TMEM143: variants seen among roughly 807,000 people sequenced by gnomAD.
TMEM143 encodes the protein transmembrane protein 143.
TMEM143 carries 45 observed loss-of-function variants against 40.3 expected under a neutral mutation model. The observed-to-expected ratio is 1.12, with a 90% confidence interval of 0.88 to 1.43. The LOEUF is 1.43. Ranked by LOEUF, TMEM143 falls within the 40% of genes most tolerant of loss-of-function variation. The pLI is 0.00. For synonymous variants in TMEM143, 299 were observed against 282.7 expected, an observed-to-expected ratio of 1.06 and a Z score of -0.58; for missense variants, 620 against 613.4, an observed-to-expected ratio of 1.01 and a Z score of -0.11.
chr19:48,350,765 T>C (rs980499769), intron 3 of TMEM143, among the ~76,000 whole-genome samples: 5 of 150,882 alleles, frequency 3.3e-5, no homozygotes, highest in Admixed American at 2.6e-4. Flanking sequence ...CTACTGAAAA[T>C]ACAAAAATTA....
At position 48,332,986 on chromosome 19, in the gene TMEM143, A is replaced by G; in HGVS notation, c.*233T>C. ...AGGGTGGGACTAAGAAATGGAACAG[A>G]AGCAGAGCTAAATCGCTTTGATTGG... On this transcript the variant is annotated 3_prime_UTR_variant, in exon 8 of 8. Transcript: ENST00000293261. 2.6e-6 allele frequency: 1 copy of G among 379,266 alleles called. No homozygotes were observed. Among genetic ancestry groups the G allele is most frequent in the Non-Finnish European group, 4.7e-6 (1 of 212,060 alleles). The allele number at this position is 379,266 out of a possible 1,614,324, so 23.5% of individuals were successfully genotyped here. A position where few individuals can be genotyped will look rare whatever the true frequency, so the allele number is the denominator to read the frequency against.
chr19:48,340,147 G>C (rs1969458780), intron 6 of TMEM143, among the ~76,000 whole-genome samples: 2 of 85,738 alleles, frequency 2.3e-5, no homozygotes, highest in African/African-American at 4.7e-5. Context: ...TTTTTTTTGA[G>C]ATGGAGTCTC....
Position 48,345,163 on chromosome 19 carries a change from G to A in TMEM143, c.561C>T (p.Val187=). The change falls in exon 4 of 8, where the codon GTC becomes GTT. Residue 187 remains valine, a synonymous_variant. Coordinates refer to ENST00000293261, the MANE Select transcript of TMEM143 (RefSeq NM_018273.4). ...ALVVHHPQDE[V]QVTVNLDQYV... ...GTTCTCCTAGGGAGCCAAGTACCTG[G>A]ACCTCATCCTGAGGGTGGTGGACCA... 1 of 1,613,134 alleles carries A rather than the reference G, an allele frequency of 6.2e-7. No individual in the cohort carries two copies. The highest frequency in any genetic ancestry group is 8.5e-7 in the Non-Finnish European group (1 of 1,179,522).
chr19:48,352,472 TA>T (rs34043899), intron 3 of TMEM143, among the ~76,000 whole-genome samples: 98,846 of 142,966 alleles, frequency 0.69, 34,753 homozygotes, highest in East Asian at 0.83. Flanking sequence ...CACAGTTAAT[TA>T]AAAAAAAAAA....
chr19:48,355,679 T>C (rs564071489), intron 3 of TMEM143, among the ~76,000 whole-genome samples: 1 of 152,290 alleles, frequency 6.6e-6, no homozygotes, highest in Admixed American at 6.5e-5. Context: ...GAGGGGTGAA[T>C]GCAGCAGGCC....
chr19:48,340,710 G>A (rs947931655), intron 6 of TMEM143, among the ~76,000 whole-genome samples: 4 of 151,992 alleles, frequency 2.6e-5, no homozygotes, highest in East Asian at 1.9e-4. Flanking sequence ...CTCTCATCTC[G>A]CCCCTCCCCT....
At chr19:48,363,186 C>G in intron 2 of TMEM143, 105 bp downstream of exon 2, 2 of 1,459,028 alleles carry the variant, frequency 1.4e-6, no homozygotes, top group Non-Finnish European at 1.8e-6. Flanking sequence ...AACTACAACT[C>G]CCAGGAGGCG....
intron 4 of TMEM143, 40 bp from the exon 5 acceptor site, chr19:48,343,491 G>A: frequency 7.8e-6 from 12 of 1,545,168 alleles, no homozygotes; most frequent in Non-Finnish European, 1.1e-5. Flanking sequence ...GGTGAACATG[G>A]GCAGGAGTGT....
Position 48,333,394 on chromosome 19 carries a change from A to C in TMEM143, c.1205T>G (p.Leu402Arg). 6.2e-7 allele frequency: 1 copy of C among 1,606,920 alleles called. No homozygotes were observed. The highest frequency in any genetic ancestry group is 8.5e-7 in the Non-Finnish European group (1 of 1,175,250). Residue 402 changes from leucine (L) to arginine (R), a missense_variant, in exon 8 of 8, where the codon CTC becomes CGC. By Grantham distance (102) the Leu-to-Arg change is moderately radical. Transcript: ENST00000293261. The surrounding 1 kb of genome is among the most constrained non-coding windows in gnomAD (Gnocchi z 4.1). Reference sequence around the variant, plus strand: ...CACCTCACAGCCTGACTTGGCTAGGAGCCAGTTCTCCACCTCCGACCGGAG... The same window carrying C: ...CACCTCACAGCCTGACTTGGCTAGGCGCCAGTTCTCCACCTCCGACCGGAG... ...RWLRSEVENW[L>R]LAKSGCEVTF... is the part of the protein sequence containing the mutation.
rs1347594938 is a variant in TMEM143 at position 48,363,432 on chromosome 19, G to A, written c.123C>T (p.Pro41=). The A allele has an allele frequency of 3.1e-6, 5 of 1,613,936 alleles. No homozygotes were observed. The Admixed American group carries it at 5.0e-5, about 16-fold the overall frequency. ...WPLLPALLGP[P]RALSSLAAKM... is the part of the protein sequence containing the mutation. ...TGGCTGCCAGCGATGAGAGGGCCCG[G>A]GGGGGCCCGAGGAGCGCGGGCAACA... The change falls in exon 2 of 8, where the codon CCC becomes CCT. Residue 41 remains proline (P), a synonymous_variant. Coordinates refer to ENST00000293261, the MANE Select transcript of TMEM143 (RefSeq NM_018273.4).
intron 6 of TMEM143, among the ~76,000 whole-genome samples, chr19:48,335,511 G>A (rs1207294468): frequency 6.6e-6 from 1 of 152,144 alleles, no homozygotes; most frequent in African/African-American, 2.4e-5. Context: ...AATCACCTGA[G>A]GTTGGAAGTT....
Position 48,332,958 on chromosome 19 carries a change from G to C in TMEM143, c.*261C>G. ...GCCAAACCACACTTGGATGTTTATGGTGAGGGTGGGACTAAGAAATGGAAC... is the reference window on the plus strand; with the variant it reads ...GCCAAACCACACTTGGATGTTTATGCTGAGGGTGGGACTAAGAAATGGAAC... On this transcript the variant is annotated 3_prime_UTR_variant, in exon 8 of 8. Transcript: ENST00000293261. 3.1e-6 allele frequency: 1 copy of C among 325,526 alleles called. No homozygotes were observed. The allele number at this position is 325,526 out of a possible 1,614,324, so 20.2% of individuals were successfully genotyped here. A position where few individuals can be genotyped will look rare whatever the true frequency, so the allele number is the denominator to read the frequency against.
At position 48,342,803 on chromosome 19, in the gene TMEM143, G is replaced by T. The variant is rs16982007; in HGVS notation, c.702C>A (p.Tyr234Ter). ...GGGCTGCCAGGACCACCCGCTTAAAGTATCTCCTGAGGGACAGAGACAGAG... is the reference window on the plus strand; with the variant it reads ...GGGCTGCCAGGACCACCCGCTTAAATTATCTCCTGAGGGACAGAGACAGAG... ...FTKLPPAERRYFKRVVLAART... is the reference protein window; with the variant it reads ...FTKLPPAERR The change falls in exon 6 of 8, where the codon TAC becomes TAA. Residue 234 changes from tyrosine (Y) to a stop codon, truncating the protein, a stop_gained. Transcript: ENST00000293261. LOFTEE classifies it high-confidence loss of function. 47 of 1,602,628 alleles carry T rather than the reference G, an allele frequency of 2.9e-5. No individual in the cohort carries two copies. Among genetic ancestry groups the T allele is most frequent in the Non-Finnish European group, 3.7e-5 (43 of 1,171,612 alleles).
chr19:48,360,156 T>C lies in TMEM143; in HGVS notation c.285A>G (p.Ala95=). ...AGAACGCCTCCAAAGCCGCCTTCTC[T>C]GCCGGACTCGAGTGGAATTCCTGTT... ...LLIQEFHSSP[A]EKAALEAFSA... The change falls in exon 3 of 8, where the codon GCA becomes GCG. Residue 95 remains alanine, a synonymous_variant. Transcript: ENST00000293261. 1 of 1,614,160 alleles carries C rather than the reference T, an allele frequency of 6.2e-7. No homozygotes were observed. Among genetic ancestry groups the C allele is most frequent in the East Asian group, 2.2e-5 (1 of 44,886 alleles).
At chr19:48,349,037 T>C (rs1419886336) in intron 3 of TMEM143, among the ~76,000 whole-genome samples, 1 of 151,560 alleles carries the variant, frequency 6.6e-6, no homozygotes, top group Non-Finnish European at 1.5e-5. Context: ...TTTATATATA[T>C]AAAAATTAGC....
At chr19:48,360,234 G>T (rs1970007463) in intron 2 of TMEM143, 58 bp from the exon 3 acceptor site, 2 of 1,539,986 alleles carry the variant, frequency 1.3e-6, no homozygotes, top group Non-Finnish European at 1.8e-6. Flanking sequence ...CCGAGGGAAA[G>T]AATTCTTTCC....
intron 6 of TMEM143, among the ~76,000 whole-genome samples, chr19:48,342,142 A>G (rs1969502386): frequency 9.7e-6 from 1 of 103,358 alleles, no homozygotes; most frequent in Non-Finnish European, 1.9e-5. Flanking sequence ...GGAAAAGAGG[A>G]ACAGGAAGGA....
At position 48,334,176 on chromosome 19, in the gene TMEM143, C is replaced by T; in HGVS notation, c.997G>A (p.Ala333Thr). The T allele has an allele frequency of 6.2e-7, 1 of 1,604,180 alleles. No individual in the cohort carries two copies. The highest frequency in any genetic ancestry group is 1.1e-5 in the South Asian group (1 of 89,898). The change falls in exon 7 of 8, where the codon GCG (alanine) becomes ACG (threonine). Residue 333 changes from alanine (A) to threonine (T), a missense_variant. By Grantham distance (58) the Ala-to-Thr change is moderately conservative (BLOSUM62 0). Coordinates refer to ENST00000293261, the MANE Select transcript of TMEM143 (RefSeq NM_018273.4). ...ASKMFGQRRS[A>T]QALELAHMLY... ...ATGTGCGCCAGCTCCAACGCCTGCG[C>T]GCTGCGCCGCTGCCCGAACATCTGC...
intron 3 of TMEM143, 82 bp downstream of exon 3, chr19:48,359,990 T>C: frequency 7.2e-7 from 1 of 1,392,586 alleles, no homozygotes; most frequent in Admixed American, 2.0e-5. Context: ...AGGGCCAGGC[T>C]CCAAGAAGGT....
Sources: gnomAD v4.1 joint callset for allele counts (sites outside exome capture counted in the v4.1 genomes callset) on GRCh38, gnomAD v4.1.1 for gene constraint, Gnocchi (gnomAD v3.1) non-coding constraint, MANE v1.5 for transcripts, NCBI Gene and HGNC (gene_info 2026-07-23, HGNC 2026-07-21) for gene names.